TIMM9: variants seen among roughly 807,000 people sequenced by gnomAD.
TIMM9 encodes the protein translocase of inner mitochondrial membrane 9, also known as mitochondrial import inner membrane translocase subunit Tim9.
In TIMM9, 10 loss-of-function variants were observed where a neutral mutation model predicts 13.4. The ratio of observed to expected loss-of-function variants is 0.75; its 90% confidence interval spans 0.46 to 1.26. The LOEUF (loss-of-function observed/expected upper bound fraction) is 1.26, where lower values mean the gene tolerates loss of function less well. Among genes scored for constraint, TIMM9 ranks in the 50% most tolerant of loss-of-function variants. The pLI, the probability that TIMM9 is intolerant of heterozygous loss-of-function variation, is 0.00. For missense variants in TIMM9, 87 were observed against 100.8 expected, an observed-to-expected ratio of 0.86 and a Z score of 0.58; for synonymous variants, 32 against 32.1, an observed-to-expected ratio of 1.00 and a Z score of 0.01.
intron 3 of TIMM9, among the ~76,000 whole-genome samples, chr14:58,422,004 A>G (rs933064978): frequency 1.3e-5 from 2 of 149,090 alleles, no homozygotes; most frequent in Non-Finnish European, 1.5e-5. Flanking sequence ...TATAATGCCA[A>G]AATCTGTTCT....
chr14:58,427,341 C>T (rs1229425298), intron 1 of TIMM9, 51 bp downstream of exon 1: 1 of 380,536 alleles, frequency 2.6e-6, no homozygotes, highest in South Asian at 3.9e-5. Context: ...TCCCGACTTC[C>T]TCTCCAATAA....
chr14:58,424,517 A>G (rs567022915), intron 2 of TIMM9, among the ~76,000 whole-genome samples: 28 of 152,370 alleles, frequency 1.8e-4, no homozygotes, highest in African/African-American at 6.5e-4. Context: ...AAAATGTCTT[A>G]TAAGCTATTA....
chr14:58,421,658 G>A (rs2036591640), intron 3 of TIMM9, among the ~76,000 whole-genome samples: 1 of 152,174 alleles, frequency 6.6e-6, no homozygotes, highest in African/African-American at 2.4e-5. Context: ...GGTAGATACT[G>A]TTAGCAAGCA....
chr14:58,427,502 G>C lies in TIMM9; in HGVS notation c.-414C>G, dbSNP rs2036914389. ...TCTTCAAGTCTTGGATGAGACTGTA[G>C]AGCGGTCTTGTGCGGCAATGTGCTA... On this transcript the variant is annotated 5_prime_UTR_variant, in exon 1 of 6. Transcript: ENST00000395159. The C allele has an allele frequency of 1.6e-6, 2 of 1,270,574 alleles. No individual in the cohort carries two copies. The highest frequency in any genetic ancestry group is 2.6e-5 in the South Asian group (2 of 76,472). 78.7% of individuals were successfully genotyped at this position (1,270,574 alleles called of 1,614,324 possible). A position where few individuals can be genotyped will look rare whatever the true frequency, so the allele number is the denominator to read the frequency against.
intron 3 of TIMM9, among the ~76,000 whole-genome samples, chr14:58,417,447 G>A (rs1047977090): frequency 7.0e-6 from 1 of 142,454 alleles, no homozygotes; most frequent in Non-Finnish European, 1.5e-5. Context: ...GCTGCAGTGA[G>A]CTATGATCAT....
Position 58,414,887 on chromosome 14 carries a change from C to T in TIMM9, c.-26-2916G>A, listed in dbSNP as rs145234880. ...CCACACAGGGAGCCTGGCTTTCCAC[C>T]CCAATTGGCAGTAATGAGGTACCCA... is the stretch of plus-strand genomic sequence containing the variant. On this transcript the variant is annotated intron_variant, in intron 3 of 5. Transcript: ENST00000395159. Among the ~76,000 whole-genome samples, 651 of 152,228 alleles carry T rather than the reference C, an allele frequency of 4.3e-3. 3 individuals carry two copies. The highest frequency in any genetic ancestry group is 7.0e-3 in the Non-Finnish European group (477 of 68,020).
At chr14:58,423,514 C>CAAAA (rs398025245) in intron 3 of TIMM9, among the ~76,000 whole-genome samples, 3 of 66,488 alleles carry the variant, frequency 4.5e-5, no homozygotes, top group East Asian at 5.0e-4. Flanking sequence ...GACTTTGTCT[C>CAAAA]AAAAAAAAAA....
chr14:58,424,168 C>T (rs2036670151), intron 2 of TIMM9, 73 bp from the exon 3 acceptor site: 1 of 152,156 alleles, frequency 6.6e-6, no homozygotes, highest in Non-Finnish European at 1.5e-5. Flanking sequence ...ATGTAAACTT[C>T]TATTGGCTAA....
At chr14:58,423,428 C>A (rs1335289949) in intron 3 of TIMM9, among the ~76,000 whole-genome samples, 2 of 144,138 alleles carry the variant, frequency 1.4e-5, no homozygotes, top group South Asian at 4.4e-4. Context: ...TGAGGCAGAA[C>A]TGCTTGAACC....
At chr14:58,411,071 A>G in intron 4 of TIMM9, 133 bp from the exon 5 acceptor site, 1 of 646,232 alleles carries the variant, frequency 1.5e-6, no homozygotes. Context: ...ATGCTAACTT[A>G]AATGGGTACA....
intron 3 of TIMM9, among the ~76,000 whole-genome samples, chr14:58,413,989 AGAGT>A (rs924016829): frequency 8.8e-6 from 1 of 113,834 alleles, no homozygotes; most frequent in Non-Finnish European, 1.7e-5. Flanking sequence ...CCTGGGTGAC[AGAGT>A]GAGATTCCGT....
At position 58,427,471 on chromosome 14, in the gene TIMM9, G is replaced by T. The variant is rs2036912509; in HGVS notation, c.-383C>A. ...GTAAACACAAGTAGTATTACAAGTC[G>T]GGAGCTCTTCAAGTCTTGGATGAGA... On this transcript the variant is annotated 5_prime_UTR_variant, in exon 1 of 6. Transcript: ENST00000395159. The T allele has an allele frequency of 4.5e-6, 4 of 887,988 alleles. No homozygotes were observed. Among genetic ancestry groups the T allele is most frequent in the Middle Eastern group, 4.9e-4 (2 of 4,048 alleles). 55.0% of individuals were successfully genotyped at this position (887,988 alleles called of 1,614,324 possible). A position where few individuals can be genotyped will look rare whatever the true frequency, so the allele number is the denominator to read the frequency against.
chr14:58,413,209 C>T (rs1216675087), intron 3 of TIMM9, among the ~76,000 whole-genome samples: 2 of 151,942 alleles, frequency 1.3e-5, no homozygotes, highest in African/African-American at 4.8e-5. Flanking sequence ...AAATACTTGG[C>T]CTATATTTAG....
chr14:58,427,112 T>C lies in TIMM9; in HGVS notation c.-173A>G, dbSNP rs768382744. The C allele has an allele frequency of 1.1e-4, 18 of 160,616 alleles. No homozygotes were observed. Among genetic ancestry groups the C allele is most frequent in the Non-Finnish European group, 1.9e-4 (14 of 72,144 alleles). The allele number at this position is 160,616 out of a possible 1,614,324, so 9.9% of individuals were successfully genotyped here. ...AAGGCTGGGGGTTGTTGGGGGACGGTTGAGCCTTGGGAGGGAGGGTCAGGG... is the reference window on the plus strand; with the variant it reads ...AAGGCTGGGGGTTGTTGGGGGACGGCTGAGCCTTGGGAGGGAGGGTCAGGG... On this transcript the variant is annotated 5_prime_UTR_variant, in exon 2 of 6. Transcript: ENST00000395159.
At chr14:58,423,012 C>A (rs945179808) in intron 3 of TIMM9, among the ~76,000 whole-genome samples, 1 of 151,288 alleles carries the variant, frequency 6.6e-6, no homozygotes, top group Non-Finnish European at 1.5e-5. Context: ...ACCATGTTGG[C>A]CAGGTTGGTC....
intron 3 of TIMM9, chr14:58,412,231 C>T (rs2036243872): frequency 9.4e-6 from 3 of 318,844 alleles, no homozygotes; most frequent in South Asian, 3.6e-5. Flanking sequence ...CAACCTCTGC[C>T]TCCGGGTTCA....
At chr14:58,410,404 C>T (rs148055135) in intron 5 of TIMM9, among the ~76,000 whole-genome samples, 132 of 150,954 alleles carry the variant, frequency 8.7e-4, no homozygotes, top group African/African-American at 2.9e-3. Flanking sequence ...GGTAACAGAG[C>T]GAGACCCTGT....
chr14:58,414,060 T>C (rs1315662932), intron 3 of TIMM9, among the ~76,000 whole-genome samples: 1 of 135,106 alleles, frequency 7.4e-6, no homozygotes, highest in African/African-American at 2.7e-5. Flanking sequence ...TAAAGCTGTT[T>C]GAAACAGAAA....
At chr14:58,413,037 C>T (rs754801351) in intron 3 of TIMM9, among the ~76,000 whole-genome samples, 2 of 152,096 alleles carry the variant, frequency 1.3e-5, no homozygotes, top group Admixed American at 6.6e-5. Context: ...TATACTCAGT[C>T]GAATACATCA....
Sources: allele counts gnomAD v4.1 joint callset (sites outside exome capture counted in the v4.1 genomes callset), GRCh38; gene constraint gnomAD v4.1.1; transcripts MANE v1.5; gene names NCBI Gene and HGNC (gene_info 2026-07-23, HGNC 2026-07-21).